KMT5A: variants seen among roughly 807,000 people sequenced by gnomAD.
KMT5A encodes the protein lysine methyltransferase 5A.
Under a neutral mutation model 40.6 loss-of-function variants are expected in KMT5A, and 6 were observed. The observed-to-expected ratio is 0.15, with a 90% CI of 0.08 to 0.29. The LOEUF (loss-of-function observed/expected upper bound fraction) is 0.29, where lower values mean the gene tolerates loss of function less well. Ranked by LOEUF, KMT5A falls within the 10% of genes least tolerant of loss-of-function variation. KMT5A has a pLI of 1.00. For synonymous variants in KMT5A, 153 were observed against 178.8 expected, an observed-to-expected ratio of 0.86 and a Z score of 1.15; for missense variants, 308 against 459.1, an observed-to-expected ratio of 0.67 and a Z score of 3.01.
At chr12:123,403,680 T>C in intron 6 of KMT5A, 48 bp downstream of exon 6, 1 of 1,607,588 alleles carries the variant, frequency 6.2e-7, no homozygotes, top group African/African-American at 1.3e-5. Context: ...CTGGAAGAGC[T>C]CACCTTCCCT....
In KMT5A at chr12:123,408,932, G is replaced by A. The variant is rs1476383010; in HGVS notation, c.*1229G>A. 6.6e-6 allele frequency: 1 copy of A among 152,666 alleles called. No individual in the cohort carries two copies. Among genetic ancestry groups the A allele is most frequent in the African/African-American group, 2.4e-5 (1 of 41,454 alleles). 9.5% of individuals were successfully genotyped at this position (152,666 alleles called of 1,614,324 possible). A position where few individuals can be genotyped will look rare whatever the true frequency, so the allele number is the denominator to read the frequency against. ...GGGCTAAGGTTTTCACCTTAACTGT[G>A]AAGGCAGGAGGAATAGGTGACTGCT... On this transcript the variant is annotated 3_prime_UTR_variant, in exon 8 of 8. Transcript: ENST00000402868.
chr12:123,394,905 G>C (rs547508508), intron 3 of KMT5A, 142 bp from the exon 4 acceptor site: 1 of 719,488 alleles, frequency 1.4e-6, no homozygotes, highest in Non-Finnish European at 2.3e-6. Context: ...TAGCGGACAC[G>C]GGGCTTAACA....
intron 3 of KMT5A, among the ~76,000 whole-genome samples, chr12:123,394,755 C>G (rs1253638732): frequency 2.0e-5 from 3 of 152,184 alleles, no homozygotes; most frequent in Admixed American, 1.3e-4. Flanking sequence ...ATCAAGCACC[C>G]TGCCAGCGTC....
intron 3 of KMT5A, 50 bp downstream of exon 3, chr12:123,390,836 A>T (rs769186497): frequency 6.2e-7 from 1 of 1,600,614 alleles, no homozygotes; most frequent in South Asian, 1.1e-5. Flanking sequence ...CGGGTTGCAG[A>T]AGCCTCTGTC....
intron 3 of KMT5A, 95 bp downstream of exon 3, chr12:123,390,881 T>C: frequency 7.1e-7 from 1 of 1,411,622 alleles, no homozygotes; most frequent in South Asian, 1.3e-5. Flanking sequence ...TTATCCAACC[T>C]TTTCAGTCTC....
At chr12:123,403,183 G>A (rs755853755) in intron 5 of KMT5A, among the ~76,000 whole-genome samples, 15 of 152,272 alleles carry the variant, frequency 9.9e-5, no homozygotes, top group Non-Finnish European at 1.6e-4. Context: ...GATTACAGGC[G>A]TGAGCCACCG....
intron 3 of KMT5A, chr12:123,391,473 G>T (rs1204830671): frequency 6.6e-6 from 1 of 152,200 alleles, no homozygotes; most frequent in African/African-American, 2.4e-5. Context: ...GGGATTACAG[G>T]CATGAGCCAC....
In KMT5A at chr12:123,403,138, T is replaced by C. The variant is rs1878302388; in HGVS notation, c.598-435T>C. Among the ~76,000 whole-genome samples, 7 of 152,156 alleles carry C rather than the reference T, an allele frequency of 4.6e-5. No homozygotes were observed. In the South Asian group the frequency reaches 1.2e-3, roughly 27 times the overall value. ...CAGGCTGGTCTCGAACTCGTGACCT[T>C]ACGATCCGCCCGCCTCGGCCTCCCG... On this transcript the variant is annotated intron_variant, in intron 5 of 7. Transcript: ENST00000402868.
chr12:123,389,273 C>G (rs1449503775), intron 1 of KMT5A, 160 bp from the exon 2 acceptor site: 4 of 254,150 alleles, frequency 1.6e-5, no homozygotes, highest in Non-Finnish European at 2.4e-5. Context: ...GGCTCCGGCC[C>G]GGCCCTCCCG....
In KMT5A at chr12:123,395,201, C is replaced by T; in HGVS notation, c.444C>T (p.Thr148=). Residue 148 remains threonine (T), a synonymous_variant, in exon 4 of 8, where the codon ACC becomes ACT. Transcript: ENST00000402868. ...CTCCACCCTCATCTTGTGATTCCAC[C>T]AATGCAGCCATCGCCAAGCAAGCCC... ...PKTPPSSCDS[T]NAAIAKQALK... The T allele has an allele frequency of 6.2e-7, 1 of 1,613,502 alleles. No homozygotes were observed. The highest frequency in any genetic ancestry group is 8.5e-7 in the Non-Finnish European group (1 of 1,179,788).
intron 1 of KMT5A, among the ~76,000 whole-genome samples, chr12:123,386,276 A>G (rs113991880): frequency 7.7e-6 from 1 of 130,554 alleles, no homozygotes; most frequent in African/African-American, 3.0e-5. Context: ...AGTACAGTGG[A>G]GTGATTTCAG....
rs973996123 is a variant in KMT5A, at chr12:123,404,796, G to A, written c.658-88G>A. On this transcript the variant is annotated intron_variant, in intron 6 of 7. Coordinates refer to ENST00000402868, the MANE Select transcript of KMT5A (RefSeq NM_020382.7). ...TGGCTCAGTACAGCTGTTAAAGACT[G>A]GGGTAAGCCCCAGCTCCCCGGAGAC... is the stretch of plus-strand genomic sequence containing the variant. The A allele has an allele frequency of 4.6e-6, 6 of 1,318,412 alleles. No homozygotes were observed. In the African/African-American group the frequency reaches 7.4e-5, roughly 16 times the overall value. The allele number at this position is 1,318,412 out of a possible 1,614,324, so 81.7% of individuals were successfully genotyped here. A position where few individuals can be genotyped will look rare whatever the true frequency, so the allele number is the denominator to read the frequency against.
At chr12:123,401,762 A>C (rs1878200080) in intron 5 of KMT5A, among the ~76,000 whole-genome samples, 1 of 151,832 alleles carries the variant, frequency 6.6e-6, no homozygotes, top group Admixed American at 6.6e-5. Context: ...TTGTGTTTTT[A>C]GTAGAGACGG....
intron 6 of KMT5A, among the ~76,000 whole-genome samples, chr12:123,403,900 G>T (rs567116235): frequency 6.6e-6 from 1 of 152,156 alleles, no homozygotes; most frequent in African/African-American, 2.4e-5. Context: ...GTGGCTTTTT[G>T]TACATTCACA....
At chr12:123,396,745 T>C (rs1404624132) in intron 5 of KMT5A, among the ~76,000 whole-genome samples, 1 of 152,190 alleles carries the variant, frequency 6.6e-6, no homozygotes, top group Non-Finnish European at 1.5e-5. Context: ...GGCAGAGCCA[T>C]TGGGAGCCTG....
At chr12:123,391,796 G>A (rs1035256127) in intron 3 of KMT5A, among the ~76,000 whole-genome samples, 1 of 152,200 alleles carries the variant, frequency 6.6e-6, no homozygotes, top group African/African-American at 2.4e-5. Context: ...ATACAAGGAA[G>A]CCTTGTGTTC....
At chr12:123,389,814 G>A (rs538629612) in intron 2 of KMT5A, among the ~76,000 whole-genome samples, 2 of 152,152 alleles carry the variant, frequency 1.3e-5, no homozygotes, top group South Asian at 4.1e-4. Context: ...AGGCTGTGCG[G>A]GGCCTGCGCG....
Position 123,404,613 on chromosome 12 carries a change from C to G in KMT5A, c.658-271C>G, listed in dbSNP as rs180732511. Among the ~76,000 whole-genome samples, 17 of 152,316 alleles carry G rather than the reference C, an allele frequency of 1.1e-4. No individual in the cohort carries two copies. In the East Asian group the frequency reaches 3.1e-3, roughly 28 times the overall value. On this transcript the variant is annotated intron_variant, in intron 6 of 7. Transcript: ENST00000402868. The stretch of plus-strand genomic sequence containing the variant: ...CAGTCTCCACCTAGCAGATCTCTCA[C>G]GAGCTCTGATGTAACTGCTTTGCAG...
chr12:123,396,553 G>C (rs528717224), intron 5 of KMT5A, 121 bp downstream of exon 5: 2 of 872,428 alleles, frequency 2.3e-6, no homozygotes, highest in Admixed American at 2.2e-5. Flanking sequence ...CAAGTCTCTT[G>C]GCCCCTCTGG....
Sources: allele counts gnomAD v4.1 joint callset (sites outside exome capture counted in the v4.1 genomes callset), GRCh38; gene constraint gnomAD v4.1.1; transcripts MANE v1.5; gene names NCBI Gene and HGNC (gene_info 2026-07-23, HGNC 2026-07-21).